MAGI1: variants seen among roughly 807,000 people sequenced by gnomAD.
MAGI1 encodes membrane-associated guanylate kinase, WW and PDZ domain-containing protein 1.
In MAGI1, 58 loss-of-function variants were observed where a neutral mutation model predicts 139.9. That is an observed-to-expected ratio of 0.41 (90% CI 0.34 to 0.52). MAGI1 has a LOEUF of 0.52. Ranked by LOEUF, MAGI1 falls within the 20% of genes least tolerant of loss-of-function variation. MAGI1 has a pLI of 0.12. For missense variants in MAGI1, 1,874 were observed against 1,901.6 expected, an observed-to-expected ratio of 0.99 and a Z score of 0.27; for synonymous variants, 812 against 737.9, an observed-to-expected ratio of 1.10 and a Z score of -1.63.
chr3:65,974,542 G>A (rs2065173090), intron 1 of MAGI1, among the ~76,000 whole-genome samples: 1 of 152,152 alleles, frequency 6.6e-6, no homozygotes, highest in Non-Finnish European at 1.5e-5. Flanking sequence ...TTTATTATCT[G>A]ACAGTTTCTG....
chr3:65,496,426 G>C (rs78353910), intron 2 of MAGI1, among the ~76,000 whole-genome samples: 2,490 of 152,192 alleles, frequency 0.016, 80 homozygotes, highest in African/African-American at 0.056. Flanking sequence ...ATAGAAGCAG[G>C]GGGACCAGTT....
At chr3:65,484,678 C>T (rs1951515006) in intron 3 of MAGI1, among the ~76,000 whole-genome samples, 1 of 152,074 alleles carries the variant, frequency 6.6e-6, no homozygotes, top group African/African-American at 2.4e-5. Context: ...GGTTGCCTTT[C>T]AGCCCCCAGC....
At chr3:65,937,662 G>T (rs1261474320) in intron 1 of MAGI1, among the ~76,000 whole-genome samples, 1 of 152,038 alleles carries the variant, frequency 6.6e-6, no homozygotes, top group Non-Finnish European at 1.5e-5. Flanking sequence ...GAATTTTTAA[G>T]CCACTTCTTT....
chr3:65,883,196 G>C lies in MAGI1; in HGVS notation c.313+154800C>G, dbSNP rs927503800. Among the ~76,000 whole-genome samples, 4 of 152,162 alleles carry C rather than the reference G, an allele frequency of 2.6e-5. No homozygotes were observed. In the East Asian group the frequency reaches 7.7e-4, roughly 29 times the overall value. ...GAGTACAGTTTAAAAGCATATGTTC[G>C]AAATGAGCCCAAAATATTAGCAAAT... On this transcript the variant is annotated intron_variant, in intron 1 of 22. Coordinates refer to ENST00000402939, the MANE Select transcript of MAGI1 (RefSeq NM_001033057.2).
chr3:65,683,340 G>A (rs1039360739), intron 1 of MAGI1, among the ~76,000 whole-genome samples: 1 of 152,084 alleles, frequency 6.6e-6, no homozygotes, highest in African/African-American at 2.4e-5. Flanking sequence ...TGTAATGAAA[G>A]CATCACCCTC....
chr3:65,506,642 G>T lies in MAGI1; in HGVS notation c.431-13011C>A, dbSNP rs776894189. Among the ~76,000 whole-genome samples, 3 of 152,070 alleles carry T rather than the reference G, an allele frequency of 2.0e-5. No individual in the cohort carries two copies. In the South Asian group the frequency reaches 6.2e-4, roughly 32 times the overall value. ...ATAAATACCCTCATTCTAGTCATTA[G>T]CCACTAGCACGGATCCATAAGAAAA... On this transcript the variant is annotated intron_variant, in intron 2 of 22. Transcript: ENST00000402939.
intron 17 of MAGI1, among the ~76,000 whole-genome samples, chr3:65,377,434 G>T (rs1446591564): frequency 6.6e-6 from 1 of 152,194 alleles, no homozygotes; most frequent in African/African-American, 2.4e-5. Context: ...TTTGTTCGTT[G>T]TAAGAGCCAA....
intron 1 of MAGI1, among the ~76,000 whole-genome samples, chr3:65,657,298 G>C (rs931424361): frequency 2.6e-5 from 4 of 151,924 alleles, no homozygotes; most frequent in African/African-American, 9.7e-5. Flanking sequence ...TAAGCAAATA[G>C]AAAATTGCCT....
intron 1 of MAGI1, among the ~76,000 whole-genome samples, chr3:65,896,252 G>A (rs916111680): frequency 4.6e-5 from 7 of 151,322 alleles, no homozygotes; most frequent in East Asian, 1.9e-4. Context: ...ACCCACCAGC[G>A]TATATAATAA....
intron 2 of MAGI1, among the ~76,000 whole-genome samples, chr3:65,527,876 C>T (rs1213694984): frequency 6.6e-6 from 1 of 151,144 alleles, no homozygotes; most frequent in Non-Finnish European, 1.5e-5. Flanking sequence ...CACTGCACTC[C>T]AGCCTGGGCA....
intron 1 of MAGI1, among the ~76,000 whole-genome samples, chr3:65,657,777 C>T (rs952016103): frequency 2.0e-5 from 3 of 152,138 alleles, no homozygotes; most frequent in Non-Finnish European, 4.4e-5. Context: ...AAAAATCAAA[C>T]CACCTTGCAT....
chr3:65,956,000 G>C (rs1462814484), intron 1 of MAGI1, among the ~76,000 whole-genome samples: 1 of 151,950 alleles, frequency 6.6e-6, no homozygotes, highest in Non-Finnish European at 1.5e-5. Flanking sequence ...GGCAGCCCTG[G>C]GCCGAAGGAG....
chr3:65,681,964 T>C (rs916351752), intron 1 of MAGI1, among the ~76,000 whole-genome samples: 1 of 152,180 alleles, frequency 6.6e-6, no homozygotes, highest in South Asian at 2.1e-4. Flanking sequence ...GCCTCCTGCA[T>C]AGCTAGGATT....
At chr3:65,463,789 T>G (rs1218414328) in intron 5 of MAGI1, among the ~76,000 whole-genome samples, 3 of 152,192 alleles carry the variant, frequency 2.0e-5, no homozygotes, top group African/African-American at 7.2e-5. Flanking sequence ...TATTAATTAC[T>G]GCCTCAATTT....
At chr3:65,376,362 A>C (rs945752057) in intron 17 of MAGI1, among the ~76,000 whole-genome samples, 4 of 152,108 alleles carry the variant, frequency 2.6e-5, no homozygotes, top group African/African-American at 9.7e-5. Flanking sequence ...ATGTCACTTC[A>C]TTTTTGCCAG....
chr3:65,810,458 C>T (rs1406862307), intron 1 of MAGI1, among the ~76,000 whole-genome samples: 2 of 152,226 alleles, frequency 1.3e-5, no homozygotes, highest in Non-Finnish European at 2.9e-5. Flanking sequence ...AATTCCATTA[C>T]AGTGTTGATT....
intron 1 of MAGI1, among the ~76,000 whole-genome samples, chr3:65,860,313 G>C (rs2059512428): frequency 6.6e-6 from 1 of 152,170 alleles, no homozygotes; most frequent in Non-Finnish European, 1.5e-5. Flanking sequence ...TCAGATTTAT[G>C]AATCGCAAAT....
intron 2 of MAGI1, among the ~76,000 whole-genome samples, chr3:65,500,979 T>A (rs1247281794): frequency 6.6e-6 from 1 of 152,224 alleles, no homozygotes; most frequent in Non-Finnish European, 1.5e-5. Flanking sequence ...CCTCATGCAG[T>A]TCATTCTTTA....
intron 18 of MAGI1, among the ~76,000 whole-genome samples, chr3:65,365,832 T>A (rs1941369990): frequency 6.6e-6 from 1 of 152,170 alleles, no homozygotes; most frequent in Non-Finnish European, 1.5e-5. Context: ...CCCATCACAT[T>A]TAACTATTAT....
Sources: allele counts gnomAD v4.1 joint callset (sites outside exome capture counted in the v4.1 genomes callset), GRCh38; gene constraint gnomAD v4.1.1; transcripts MANE v1.5; gene names NCBI Gene and HGNC (gene_info 2026-07-23, HGNC 2026-07-21).